SLC24A1: variants seen among roughly 807,000 people sequenced by gnomAD.
SLC24A1 encodes the protein solute carrier family 24 member 1, also known as sodium/potassium/calcium exchanger 1.
A neutral mutation model predicts 88.1 loss-of-function variants in SLC24A1; 52 were observed. The observed-to-expected ratio is 0.59, with a 90% confidence interval of 0.47 to 0.74. The LOEUF is 0.74. Among genes scored for constraint, SLC24A1 ranks in the 30% least tolerant of loss-of-function variants. The probability of loss-of-function intolerance (pLI) is 0.00; values close to 1 mark genes in which losing one functional copy is unlikely to be tolerated. For synonymous variants in SLC24A1, 455 were observed against 498.0 expected (o/e 0.91, Z 1.15); for missense variants, 1,173 against 1,363.3 (o/e 0.86, Z 2.20).
Position 65,625,477 on chromosome 15 carries a change from T to C in SLC24A1, c.1397T>C (p.Phe466Ser), listed in dbSNP as rs1473190282. 2.5e-6 allele frequency: 4 copies of C among 1,613,906 alleles called. No homozygotes were observed. The Admixed American group carries it at 5.0e-5, about 20-fold the overall frequency. Reference sequence around the variant, plus strand: ...CACGTTTTTGGCATGATGTATGTGTTTGTGGCCTTGGCCATTGTTTGCGAC... The same window carrying C: ...CACGTTTTTGGCATGATGTATGTGTCTGTGGCCTTGGCCATTGTTTGCGAC... ...VLHVFGMMYV[F>S]VALAIVCDEY... Residue 466 changes from phenylalanine (F) to serine (S), a missense_variant, in exon 2 of 10, where the codon TTT becomes TCT. Phe to Ser is a radical substitution (Grantham distance 155, BLOSUM62 -2). Coordinates refer to ENST00000261892, the MANE Select transcript of SLC24A1 (RefSeq NM_004727.3).
At chr15:65,657,948 A>G (rs958237419), downstream of SLC24A1, 2 of 152,238 alleles carry the variant, frequency 1.3e-5, no homozygotes, top group African/African-American at 4.8e-5. Context: ...TCACTTGCAG[A>G]AAATCCACCA....
chr15:65,651,300 G>A (rs1488135270), intron 7 of SLC24A1, among the ~76,000 whole-genome samples: 1 of 152,158 alleles, frequency 6.6e-6, no homozygotes, highest in Non-Finnish European at 1.5e-5. Flanking sequence ...GAAATCACTA[G>A]TATTTATACC....
chr15:65,641,687 G>A (rs1203330437), intron 4 of SLC24A1, among the ~76,000 whole-genome samples: 2 of 152,218 alleles, frequency 1.3e-5, no homozygotes, highest in Non-Finnish European at 2.9e-5. Flanking sequence ...ATGAGTGCCG[G>A]GGTGCTCTGG....
intron 6 of SLC24A1, among the ~76,000 whole-genome samples, chr15:65,646,731 G>T (rs986939857): frequency 2.0e-5 from 3 of 152,172 alleles, no homozygotes; most frequent in African/African-American, 7.2e-5. Context: ...TTGAGTGACT[G>T]ACAGTAAAAA....
At chr15:65,646,857 A>G (rs1157965314) in intron 6 of SLC24A1, among the ~76,000 whole-genome samples, 2 of 152,202 alleles carry the variant, frequency 1.3e-5, no homozygotes, top group Admixed American at 6.5e-5. Context: ...AGACAGCTTC[A>G]TGGTAACATG....
intron 8 of SLC24A1, 113 bp downstream of exon 8, chr15:65,651,872 T>G (rs1192159051): frequency 1.4e-6 from 1 of 705,012 alleles, no homozygotes; most frequent in Admixed American, 2.0e-5. Flanking sequence ...TTCGTGCAGT[T>G]TCTATGTTGT....
Position 65,654,334 on chromosome 15 carries a change from C to A in SLC24A1, c.*255C>A. 1 of 1,279,562 alleles carries A rather than the reference C, an allele frequency of 7.8e-7. No homozygotes were observed. Among genetic ancestry groups the A allele is most frequent in the Non-Finnish European group, 9.9e-7 (1 of 1,012,906 alleles). The allele number at this position is 1,279,562 out of a possible 1,614,324, so 79.3% of individuals were successfully genotyped here. A position where few individuals can be genotyped will look rare whatever the true frequency, so the allele number is the denominator to read the frequency against. ...CATGCAGACATCTATTACATGGAGGCAGTAGAAGGACCCCTGGAGCCAGAG... is the reference window on the plus strand; with the variant it reads ...CATGCAGACATCTATTACATGGAGGAAGTAGAAGGACCCCTGGAGCCAGAG... On this transcript the variant is annotated 3_prime_UTR_variant, in exon 10 of 10. Coordinates refer to ENST00000261892, the MANE Select transcript of SLC24A1 (RefSeq NM_004727.3).
At chr15:65,657,504 G>A (rs901587154), downstream of SLC24A1, among the ~76,000 whole-genome samples, 11 of 152,140 alleles carry the variant, frequency 7.2e-5, no homozygotes, top group African/African-American at 1.9e-4. Flanking sequence ...TTAGCCGGGC[G>A]AGGTGGCAGG....
At chr15:65,623,931 A>C in intron 1 of SLC24A1, 24 bp from the exon 2 acceptor site, 2 of 624,500 alleles carry the variant, frequency 3.2e-6, no homozygotes, top group Non-Finnish European at 5.6e-6. Flanking sequence ...AGTGGTAAAT[A>C]ATCTCTTTTT....
downstream of SLC24A1, chr15:65,659,085 G>A (rs989199970): frequency 6.6e-6 from 1 of 152,094 alleles, no homozygotes; most frequent in African/African-American, 2.4e-5. Flanking sequence ...ACAAATCTGT[G>A]CCATTTAGAA....
At position 65,639,441 on chromosome 15, in the gene SLC24A1, T is replaced by C. The variant is rs62014367; in HGVS notation, c.1945-154T>C. ...CTGAGAAAGAAAGTAGTGTAACTCT[T>C]CTGGTTGGAGGTGGAGGAAGAGGGG... On this transcript the variant is annotated intron_variant, in intron 3 of 9. Transcript: ENST00000261892. Among the ~76,000 whole-genome samples, 12,444 of 152,162 alleles carry C rather than the reference T, an allele frequency of 0.082. 641 individuals are homozygous for C. Among genetic ancestry groups the C allele is most frequent in the African/African-American group, 0.16 (6,548 of 41,490 alleles).
chr15:65,645,394 C>T (rs1007134015), intron 5 of SLC24A1, among the ~76,000 whole-genome samples: 4 of 152,202 alleles, frequency 2.6e-5, no homozygotes, highest in South Asian at 2.1e-4. Context: ...TAGGGGAGCA[C>T]GGATGGTCAC....
At chr15:65,637,683 A>T (rs1318859521) in intron 2 of SLC24A1, among the ~76,000 whole-genome samples, 1 of 152,222 alleles carries the variant, frequency 6.6e-6, no homozygotes, top group African/African-American at 2.4e-5. Flanking sequence ...ACTTATTTCC[A>T]CAAATAAATT....
At chr15:65,616,687 C>G (rs2074156059) in intron 2 of SLC24A1, among the ~76,000 whole-genome samples, 1 of 152,148 alleles carries the variant, frequency 6.6e-6, no homozygotes, top group Admixed American at 6.5e-5. Context: ...CCTTTTCACT[C>G]TGATGGTAGT....
rs2074492291 is a variant in SLC24A1 at position 65,625,783 on chromosome 15, A to ACCTGATAATGCTCATCCTCTTCTT, written c.1708_1731dup (p.Ile570_Leu577dup). On this transcript the variant is annotated inframe_insertion, in exon 2 of 10. Coordinates refer to ENST00000261892, the MANE Select transcript of SLC24A1 (RefSeq NM_004727.3). ...CGTGATGTCTCCTTCTACATCCTTG[A>ACCTGATAATGCTCATCCTCTTCTT]CCTGATAATGCTCATCCTCTTCTTC... 18 of 1,613,846 alleles carry ACCTGATAATGCTCATCCTCTTCTT rather than the reference A, an allele frequency of 1.1e-5. No individual in the cohort carries two copies. The highest frequency in any genetic ancestry group is 1.4e-5 in the Non-Finnish European group (17 of 1,179,894).
At position 65,654,167 on chromosome 15, in the gene SLC24A1, A is replaced by G. The variant is rs1466900035; in HGVS notation, c.*88A>G. On this transcript the variant is annotated 3_prime_UTR_variant, in exon 10 of 10. Transcript: ENST00000261892. ...TTGTGACCCTAATGAAAGAATGTAT[A>G]TGATCCTGGAAAGTGAACTGGGTGA... is the stretch of plus-strand genomic sequence containing the variant. The G allele has an allele frequency of 2.0e-6, 3 of 1,530,224 alleles. No individual in the cohort carries two copies. Among genetic ancestry groups the G allele is most frequent in the Non-Finnish European group, 2.6e-6 (3 of 1,141,828 alleles). The allele number at this position is 1,530,224 out of a possible 1,614,324, so 94.8% of individuals were successfully genotyped here.
rs1001642304 is a variant in SLC24A1, at chr15:65,624,496, G to A, written c.416G>A (p.Arg139Lys). ...NYSPTAAGTE[R>K]RKEDTPTSSR... The stretch of plus-strand genomic sequence containing the variant: ...AGCCCAACAGCAGCAGGTACAGAAA[G>A]AAGGAAGGAAGACACCCCAACATCC... Residue 139 changes from arginine to lysine, a missense_variant, in exon 2 of 10, where the codon AGA (arginine) becomes AAA (lysine). By Grantham distance (26) the Arg-to-Lys change is conservative. Coordinates refer to ENST00000261892, the MANE Select transcript of SLC24A1 (RefSeq NM_004727.3). 6.2e-6 allele frequency: 10 copies of A among 1,606,708 alleles called. No homozygotes were observed. Among genetic ancestry groups the A allele is most frequent in the Non-Finnish European group, 7.6e-6 (9 of 1,176,478 alleles).
intron 2 of SLC24A1, among the ~76,000 whole-genome samples, chr15:65,614,831 G>GA (rs1183319094): frequency 1.3e-5 from 2 of 151,674 alleles, no homozygotes; most frequent in African/African-American, 2.4e-5. Context: ...GAGGTTATTG[G>GA]AAAAAAAAGT....
chr15:65,617,522 CTGTT>C (rs1325421863), upstream of SLC24A1, among the ~76,000 whole-genome samples: 2 of 152,112 alleles, frequency 1.3e-5, no homozygotes, highest in African/African-American at 4.8e-5. Flanking sequence ...TGATTTGGCT[CTGTT>C]TGTCTGTTAA....
Sources: gnomAD v4.1 joint callset for allele counts (sites outside exome capture counted in the v4.1 genomes callset) on GRCh38, gnomAD v4.1.1 for gene constraint, MANE v1.5 for transcripts, NCBI Gene and HGNC (gene_info 2026-07-23, HGNC 2026-07-21) for gene names.